DBNDD1: variants seen among roughly 807,000 people sequenced by gnomAD.
The protein encoded by DBNDD1 is dysbindin domain-containing protein 1.
DBNDD1 carries 14 observed loss-of-function variants against 17.0 expected under a neutral mutation model. The observed-to-expected ratio is 0.82, with a 90% CI of 0.54 to 1.29. The LOEUF (loss-of-function observed/expected upper bound fraction) is 1.29. DBNDD1 is among the 50% of genes most tolerant of loss of function. The pLI, the probability that DBNDD1 is intolerant of heterozygous loss-of-function variation, is 0.00. For missense variants in DBNDD1, 221 were observed against 216.2 expected (o/e 1.02, Z -0.14); for synonymous variants, 105 against 102.0 (o/e 1.03, Z -0.18).
chr16:90,006,911 G>A (rs911807341), intron 3 of DBNDD1: 4 of 172,560 alleles, frequency 2.3e-5, no homozygotes, highest in African/African-American at 9.6e-5. Context: ...GCCTCTTGGA[G>A]CCTCTGCCCC....
rs1297728266 is a variant in DBNDD1 at position 90,006,874 on chromosome 16, CCCCATCAT to C, written c.320-390_320-383del. ...CCCTGCAGGCCTCTTGGAGCCTCTG[CCCCATCAT>C]GGGCCTTGTGTGTCCCCGGCCTCTT... is the stretch of plus-strand genomic sequence containing the variant. On this transcript the variant is annotated intron_variant, in intron 3 of 3. Transcript: ENST00000002501. 2.9e-3 allele frequency: 518 copies of C among 180,658 alleles called. 5 individuals are homozygous for C. Among genetic ancestry groups the C allele is most frequent in the African/African-American group, 0.015 (501 of 33,190 alleles). 11.2% of individuals were successfully genotyped at this position (180,658 alleles called of 1,614,324 possible). A position where few individuals can be genotyped will look rare whatever the true frequency, so the allele number is the denominator to read the frequency against.
chr16:90,011,362 C>A (rs2035552140), intron 1 of DBNDD1, among the ~76,000 whole-genome samples: 1 of 152,226 alleles, frequency 6.6e-6, no homozygotes. Flanking sequence ...CCCTCCCCAG[C>A]AGAGCCAAGG....
chr16:90,016,386 G>T (rs1231790130), intron 1 of DBNDD1, among the ~76,000 whole-genome samples: 1 of 152,204 alleles, frequency 6.6e-6, no homozygotes, highest in Non-Finnish European at 1.5e-5. Flanking sequence ...TCCCAGGGTG[G>T]GAACCAGAGG....
At chr16:90,011,207 G>C (rs933209802) in intron 1 of DBNDD1, among the ~76,000 whole-genome samples, 2 of 152,256 alleles carry the variant, frequency 1.3e-5, no homozygotes, top group South Asian at 4.1e-4. Context: ...CTGCTGCCAT[G>C]AGGCTCTTGC....
chr16:90,010,872 C>CCCCCTTTGGCCCTAGGCCCTGTGGG (rs2035542027), intron 1 of DBNDD1, among the ~76,000 whole-genome samples: 1 of 152,214 alleles, frequency 6.6e-6, no homozygotes, highest in Admixed American at 6.5e-5. Context: ...GGGTGCATGC[C>CCCCCTTTGGCCCTAGGCCCTGTGGG]CCCCTTTGGC....
intron 1 of DBNDD1, among the ~76,000 whole-genome samples, chr16:90,014,409 G>A (rs983956407): frequency 1.3e-5 from 2 of 152,044 alleles, no homozygotes; most frequent in African/African-American, 2.4e-5. Flanking sequence ...ATAGGTGTGA[G>A]CCACCGTGCC....
chr16:90,009,552 A>C, intron 1 of DBNDD1, 122 bp from the exon 2 acceptor site: 1 of 1,442,376 alleles, frequency 6.9e-7, no homozygotes, highest in Non-Finnish European at 9.4e-7. Context: ...AGTGACCAGC[A>C]GGTGATGGGA....
intron 1 of DBNDD1, chr16:90,010,178 T>C: frequency 1.3e-6 from 1 of 793,636 alleles, no homozygotes; most frequent in Non-Finnish European, 2.0e-6. Context: ...CCTGAGTAGA[T>C]GGGATTACAG....
At chr16:90,018,695 C>T (rs548959985) in intron 1 of DBNDD1, among the ~76,000 whole-genome samples, 2 of 152,358 alleles carry the variant, frequency 1.3e-5, no homozygotes, top group South Asian at 4.1e-4. Context: ...ACCATCAGGG[C>T]AGGGAGCGCT....
chr16:90,006,708 A>G (rs2035435058), intron 3 of DBNDD1: 1 of 638,254 alleles, frequency 1.6e-6, no homozygotes, highest in African/African-American at 1.8e-5. Context: ...GGGCCTGGGC[A>G]GGGTCTTTTC....
At chr16:90,017,508 AT>A (rs1416288928) in intron 1 of DBNDD1, among the ~76,000 whole-genome samples, 1 of 147,820 alleles carries the variant, frequency 6.8e-6, no homozygotes, top group Non-Finnish European at 1.5e-5. Context: ...AAAAAAAAAA[AT>A]CATATTTTAC....
intron 1 of DBNDD1, among the ~76,000 whole-genome samples, chr16:90,015,786 G>C (rs769077683): frequency 1.3e-5 from 2 of 152,052 alleles, no homozygotes; most frequent in Non-Finnish European, 2.9e-5. Context: ...CCGTTCCTAG[G>C]AAATGTCCAG....
At chr16:90,012,384 T>C (rs2035568942) in intron 1 of DBNDD1, among the ~76,000 whole-genome samples, 1 of 152,004 alleles carries the variant, frequency 6.6e-6, no homozygotes, top group African/African-American at 2.4e-5. Flanking sequence ...AGCAGCACTC[T>C]GGGGTGTAGC....
Position 90,006,233 on chromosome 16 carries a change from G to A in DBNDD1, c.*102C>T. On this transcript the variant is annotated 3_prime_UTR_variant, in exon 4 of 4. Transcript: ENST00000002501. ...TGTGTGTCAGGAGGTGACGGCTGGAGCCTCGTGGGCGGGTGAAGTGTGTCT... is the reference window on the plus strand; with the variant it reads ...TGTGTGTCAGGAGGTGACGGCTGGAACCTCGTGGGCGGGTGAAGTGTGTCT... 1.4e-6 allele frequency: 2 copies of A among 1,434,630 alleles called. No individual in the cohort carries two copies. Among genetic ancestry groups the A allele is most frequent in the Middle Eastern group, 3.6e-4 (2 of 5,558 alleles). The allele number at this position is 1,434,630 out of a possible 1,614,324, so 88.9% of individuals were successfully genotyped here. A position where few individuals can be genotyped will look rare whatever the true frequency, so the allele number is the denominator to read the frequency against.
In DBNDD1 at chr16:90,009,418, T is replaced by A; in HGVS notation, c.44A>T (p.Glu15Val). The part of the protein sequence containing the change: ...EGAGTGEIVK[E>V]AEVPQAALGV... ...CAGCGCAGCCTGCGGCACCTCAGCC[T>A]CCTTAACGATCTCTGCATCCAAAGA... is the stretch of plus-strand genomic sequence containing the variant. The change falls in exon 2 of 4, where the codon GAG (glutamate) becomes GTG (valine). Residue 15 changes from glutamate (E) to valine (V), a missense_variant. Transcript: ENST00000002501. 1.2e-6 allele frequency: 2 copies of A among 1,611,604 alleles called. No individual in the cohort carries two copies. The highest frequency in any genetic ancestry group is 1.7e-6 in the Non-Finnish European group (2 of 1,179,990).
intron 3 of DBNDD1, 89 bp from the exon 4 acceptor site, chr16:90,006,581 ACTCCTGCCAATG>A: frequency 2.7e-6 from 4 of 1,475,920 alleles, no homozygotes; most frequent in Non-Finnish European, 3.6e-6. Context: ...CTCCTGCGCC[ACTCCTGCCAATG>A]CTCTGCACCA....
chr16:90,019,650 G>T, upstream of DBNDD1: 1 of 429,532 alleles, frequency 2.3e-6, no homozygotes, highest in Non-Finnish European at 4.1e-6. The surrounding 1 kb of genome is among the most constrained non-coding windows in gnomAD (Gnocchi z 6.1). Flanking sequence ...CGCGGGCCGC[G>T]CCCCGCCGCG....
intron 1 of DBNDD1, among the ~76,000 whole-genome samples, chr16:90,015,058 C>CACA (rs1267977033): frequency 6.6e-6 from 1 of 150,632 alleles, no homozygotes; most frequent in East Asian, 1.9e-4. Context: ...GAGACAGCAA[C>CACA]ACATCTGTAG....
Position 90,019,437 on chromosome 16 carries a change from G to A in DBNDD1, c.-96C>T. On this transcript the variant is annotated 5_prime_UTR_variant, in exon 1 of 4. Transcript: ENST00000002501. This position sits in a 1 kb window ranked among gnomAD's most constrained non-coding sequence, Gnocchi z 6.1. Reference sequence around the variant, plus strand: ...GGCAGCGACTCGGCCCCGGCTCCGGGCGCAGCGCATCGGGGCAGCAACCGG... The same window carrying A: ...GGCAGCGACTCGGCCCCGGCTCCGGACGCAGCGCATCGGGGCAGCAACCGG... 1 of 738,580 alleles carries A rather than the reference G, an allele frequency of 1.4e-6. No individual in the cohort carries two copies. The highest frequency in any genetic ancestry group is 1.8e-6 in the Non-Finnish European group (1 of 568,568). 45.8% of individuals were successfully genotyped at this position (738,580 alleles called of 1,614,324 possible). A position where few individuals can be genotyped will look rare whatever the true frequency, so the allele number is the denominator to read the frequency against.
Sources: gnomAD v4.1 joint callset for allele counts (sites outside exome capture counted in the v4.1 genomes callset) on GRCh38, gnomAD v4.1.1 for gene constraint, Gnocchi (gnomAD v3.1) non-coding constraint, MANE v1.5 for transcripts, NCBI Gene and HGNC (gene_info 2026-07-23, HGNC 2026-07-21) for gene names.